The following PLCXD1 variants were observed in gnomAD, a reference collection of about 807,000 sequenced individuals.
PLCXD1 encodes the protein PI-PLC X domain-containing protein 1.
Under a neutral mutation model 37.8 loss-of-function variants are expected in PLCXD1, and 45 were observed. The observed-to-expected ratio is 1.19, with a 90% CI of 0.94 to 1.53. The LOEUF is 1.53. Among genes scored for constraint, PLCXD1 ranks in the 40% most tolerant of loss-of-function variants. PLCXD1 has a pLI of 0.00. For synonymous variants in PLCXD1, 246 were observed against 206.9 expected, an observed-to-expected ratio of 1.19 and a Z score of -1.62; for missense variants, 539 against 454.7, an observed-to-expected ratio of 1.19 and a Z score of -1.69.
intron 2 of PLCXD1, among the ~76,000 whole-genome samples, chrX:285,453 C>A (rs771199838): frequency 6.6e-6 from 1 of 152,168 alleles, no homozygotes; most frequent in Non-Finnish European, 1.5e-5. Context: ...TGCACAGACA[C>A]ACGTGCACAC....
chrX:291,155 T>G (rs1369938398), intron 4 of PLCXD1, among the ~76,000 whole-genome samples: 1 of 151,814 alleles, frequency 6.6e-6, no homozygotes, highest in Non-Finnish European at 1.5e-5. Flanking sequence ...TTTTTGCTTT[T>G]TTTTTTTGGA....
chrX:293,722 G>A (rs2069712640), intron 6 of PLCXD1, among the ~76,000 whole-genome samples: 1 of 152,202 alleles, frequency 6.6e-6, no homozygotes, highest in Non-Finnish European at 1.5e-5. Context: ...TGACAAGGAT[G>A]CAGCGGGCAC....
chrX:291,483 GC>G lies in PLCXD1; in HGVS notation c.394-15del, dbSNP rs1207990223. On this transcript the variant is annotated splice_polypyrimidine_tract_variant and intron_variant, in intron 4 of 6. Coordinates refer to ENST00000381657, the MANE Select transcript of PLCXD1 (RefSeq NM_018390.4). The stretch of plus-strand genomic sequence containing the variant: ...TTGGAGTCGTGCAGGACTCAGCCCA[GC>G]ACCCCCCTCCCCAGGACACACTCAC... The G allele has an allele frequency of 6.2e-7, 1 of 1,611,824 alleles. No homozygotes were observed. Among genetic ancestry groups the G allele is most frequent in the African/African-American group, 1.3e-5 (1 of 74,850 alleles).
At chrX:295,662 C>T (rs1457421101) in intron 6 of PLCXD1, among the ~76,000 whole-genome samples, 13 of 150,030 alleles carry the variant, frequency 8.7e-5, no homozygotes, top group East Asian at 2.0e-4. Context: ...GTAGCTGGGA[C>T]TACAGGCGCC....
chrX:284,369 G>A, intron 2 of PLCXD1, 55 bp downstream of exon 2: 2 of 1,603,040 alleles, frequency 1.2e-6, no homozygotes, highest in Admixed American at 1.7e-5. Flanking sequence ...ACGGCAGGGT[G>A]GGGCGGGAGC....
intron 2 of PLCXD1, among the ~76,000 whole-genome samples, chrX:285,087 G>GGCACACACAGACACAT (rs1418712146): frequency 6.7e-6 from 1 of 150,126 alleles, no homozygotes; most frequent in Non-Finnish European, 1.5e-5. Context: ...CACACATGCA[G>GGCACACACAGACACAT]GCACACACAG....
At chrX:279,362 G>A (rs1463745305), upstream of PLCXD1, among the ~76,000 whole-genome samples, 6 of 152,318 alleles carry the variant, frequency 3.9e-5, no homozygotes, top group Admixed American at 2.6e-4. Flanking sequence ...GCTGAGCTTC[G>A]GCTCAGAGGC....
Position 299,372 on chromosome X carries a change from G to A in PLCXD1, c.*37G>A. 7.0e-7 allele frequency: 1 copy of A among 1,425,722 alleles called. No individual in the cohort carries two copies. Among genetic ancestry groups the A allele is most frequent in the Non-Finnish European group, 9.9e-7 (1 of 1,008,552 alleles). 88.3% of individuals were successfully genotyped at this position (1,425,722 alleles called of 1,614,324 possible). A position where few individuals can be genotyped will look rare whatever the true frequency, so the allele number is the denominator to read the frequency against. On this transcript the variant is annotated 3_prime_UTR_variant, in exon 7 of 7. Transcript: ENST00000381657. ...TGAAGTTCGGGACGCGGCGGCTGCA[G>A]TTTCACCCCCGAATTTCCAAGTATT...
rs200320497 is a variant in PLCXD1 at position 291,703 on chromosome X, G to A, written c.549+49G>A. On this transcript the variant is annotated intron_variant, in intron 5 of 6. Transcript: ENST00000381657. Reference sequence around the variant, plus strand: ...ACGTCTCTCCCGGGGCAGGGGCATCGTCAGCCTCAGACTCCATTTGCTGTG... The same window carrying A: ...ACGTCTCTCCCGGGGCAGGGGCATCATCAGCCTCAGACTCCATTTGCTGTG... 83 of 1,587,616 alleles carry A rather than the reference G, an allele frequency of 5.2e-5. 1 individual carries two copies. The African/African-American group carries it at 6.8e-4, about 13-fold the overall frequency.
intron 3 of PLCXD1, among the ~76,000 whole-genome samples, chrX:289,581 G>C (rs775591984): frequency 6.9e-6 from 1 of 143,894 alleles, no homozygotes; most frequent in Non-Finnish European, 1.5e-5. Context: ...GTGCCATCTC[G>C]GCTCACTGCA....
upstream of PLCXD1, chrX:281,298 C>A (rs1187778106): frequency 3.0e-5 from 5 of 166,680 alleles, no homozygotes; most frequent in African/African-American, 1.2e-4. Context: ...AGCTGACATC[C>A]CCCGGGCTGA....
At chrX:298,946 T>G (rs2069903274) in intron 6 of PLCXD1, 151 bp from the exon 7 acceptor site, 1 of 671,202 alleles carries the variant, frequency 1.5e-6, no homozygotes, top group Non-Finnish European at 2.7e-6. Flanking sequence ...CACCACGCTT[T>G]ATAAGCAAAG....
intron 6 of PLCXD1, among the ~76,000 whole-genome samples, chrX:295,088 T>A (rs1457735936): frequency 3.4e-5 from 5 of 147,480 alleles, no homozygotes; most frequent in Non-Finnish European, 7.5e-5. Context: ...GAGAATTGCT[T>A]GAACCCGGGG....
At chrX:277,354 CAGGT>C, upstream of PLCXD1, among the ~76,000 whole-genome samples, 1 of 85,932 alleles carries the variant, frequency 1.2e-5, no homozygotes, top group African/African-American at 4.8e-5. Context: ...AACGTGGGGA[CAGGT>C]GTGGGGACAG....
chrX:293,135 G>T lies in PLCXD1; in HGVS notation c.650G>T (p.Gly217Val). Reference sequence around the variant, plus strand: ...CGCCGGCACCACGAGCTGTGGCCAGGAGTCCCCTACTGGTGGGGAAACAGG... The same window carrying T: ...CGCCGGCACCACGAGCTGTGGCCAGTAGTCCCCTACTGGTGGGGAAACAGG... ...SLRRHHELWP[G>V]VPYWWGNRVK... Residue 217 changes from glycine (G) to valine (V), a missense_variant, in exon 6 of 7, where the codon GGA (glycine) becomes GTA (valine). Transcript: ENST00000381657. 6.2e-7 allele frequency: 1 copy of T among 1,612,294 alleles called. No homozygotes were observed. Among genetic ancestry groups the T allele is most frequent in the Non-Finnish European group, 8.5e-7 (1 of 1,179,422 alleles).
rs868525322 is a variant in PLCXD1 at position 284,613 on chromosome X, C to T, written c.127+299C>T. On this transcript the variant is annotated intron_variant, in intron 2 of 6. Coordinates refer to ENST00000381657, the MANE Select transcript of PLCXD1 (RefSeq NM_018390.4). ...ACACGCACACACGCACACACGCACA[C>T]ATGCACATCTGCACACGCACATCTG... is the stretch of plus-strand genomic sequence containing the variant. Among the ~76,000 whole-genome samples the T allele has an allele frequency of 2.2e-5, 3 of 133,834 alleles. No homozygotes were observed. In the Admixed American group the frequency reaches 2.3e-4, roughly 10 times the overall value. 87.8% of individuals were successfully genotyped at this position (133,834 alleles called of 152,430 possible).
At chrX:284,344 C>A in intron 2 of PLCXD1, 30 bp downstream of exon 2, 1 of 1,611,326 alleles carries the variant, frequency 6.2e-7, no homozygotes, top group Non-Finnish European at 8.5e-7. Flanking sequence ...GGGGCCGTTG[C>A]CTCTATCCCA....
At chrX:284,105 G>A in intron 1 of PLCXD1, 62 bp from the exon 2 acceptor site, 1 of 1,341,850 alleles carries the variant, frequency 7.5e-7, no homozygotes, top group South Asian at 1.2e-5. Context: ...TGGCCAGGCT[G>A]GTCTCGAACT....
chrX:295,711 TAG>T (rs1381113921), intron 6 of PLCXD1, among the ~76,000 whole-genome samples: 1 of 151,712 alleles, frequency 6.6e-6, no homozygotes, highest in Non-Finnish European at 1.5e-5. Flanking sequence ...GTATTTTTAG[TAG>T]AGACAGGGTT....
Sources: allele counts gnomAD v4.1 joint callset (sites outside exome capture counted in the v4.1 genomes callset), GRCh38; gene constraint gnomAD v4.1.1; transcripts MANE v1.5; gene names NCBI Gene and HGNC (gene_info 2026-07-23, HGNC 2026-07-21).